The following ACTR3 variants were observed in gnomAD, a reference collection of about 807,000 sequenced individuals.
The protein encoded by ACTR3 is actin related protein 3.
Under a neutral mutation model 56.8 loss-of-function variants are expected in ACTR3, and 12 were observed. That is an observed-to-expected ratio of 0.21 (90% CI 0.14 to 0.34). The LOEUF (loss-of-function observed/expected upper bound fraction) is 0.34. Ranked by LOEUF, ACTR3 falls within the 10% of genes least tolerant of loss-of-function variation. The pLI is 1.00. For synonymous variants in ACTR3, 162 were observed against 167.4 expected (o/e 0.97, Z 0.25); for missense variants, 282 against 512.5 (o/e 0.55, Z 4.34).
At chr2:113,948,126 T>G (rs1680054957) in intron 8 of ACTR3, among the ~76,000 whole-genome samples, 1 of 152,158 alleles carries the variant, frequency 6.6e-6, no homozygotes, top group Non-Finnish European at 1.5e-5. Flanking sequence ...ATTGCTTGGT[T>G]ATATTGCAAC....
At chr2:113,916,766 T>C in intron 2 of ACTR3, 118 bp from the exon 3 acceptor site, 1 of 801,746 alleles carries the variant, frequency 1.2e-6, no homozygotes, top group South Asian at 4.7e-5. Flanking sequence ...AGTTTGACAA[T>C]TTAAATAGGC....
chr2:113,938,178 C>A (rs1439415579), intron 6 of ACTR3, among the ~76,000 whole-genome samples: 1 of 150,736 alleles, frequency 6.6e-6, no homozygotes, highest in Non-Finnish European at 1.5e-5. Flanking sequence ...GTATTTTTTT[C>A]TTCAGAAGTT....
At chr2:113,915,225 A>C (rs1679381463) in intron 2 of ACTR3, among the ~76,000 whole-genome samples, 2 of 152,208 alleles carry the variant, frequency 1.3e-5, no homozygotes, top group African/African-American at 4.8e-5. Flanking sequence ...CAGAAGTACA[A>C]AATCAATGCG....
chr2:113,929,619 C>T (rs1679681863), intron 4 of ACTR3, among the ~76,000 whole-genome samples: 1 of 152,020 alleles, frequency 6.6e-6, no homozygotes, highest in South Asian at 2.1e-4. Flanking sequence ...AACCTTTTTG[C>T]ACACCCCCCA....
chr2:113,890,687 T>G (rs1473569298), intron 1 of ACTR3: 3 of 1,136,442 alleles, frequency 2.6e-6, no homozygotes, highest in Non-Finnish European at 3.2e-6. Context: ...TTCCTTTCCC[T>G]CCGCGCCCGT....
At chr2:113,892,732 C>T (rs1438795864) in intron 1 of ACTR3, among the ~76,000 whole-genome samples, 1 of 152,116 alleles carries the variant, frequency 6.6e-6, no homozygotes, top group African/African-American at 2.4e-5. Flanking sequence ...GCTCTGAGGT[C>T]TCTAAATTAC....
At chr2:113,901,974 A>C (rs756185199) in intron 1 of ACTR3, among the ~76,000 whole-genome samples, 3 of 152,262 alleles carry the variant, frequency 2.0e-5, no homozygotes, top group Non-Finnish European at 4.4e-5. Flanking sequence ...TTGTTTTACT[A>C]CTGAAAAAGA....
At chr2:113,952,805 G>C (rs1680143392) in intron 10 of ACTR3, 1 of 152,082 alleles carries the variant, frequency 6.6e-6, no homozygotes, top group Non-Finnish European at 1.5e-5. Context: ...CTTTTAAAAT[G>C]TTGTGTTTGC....
At chr2:113,934,827 T>A (rs1679794423) in intron 6 of ACTR3, among the ~76,000 whole-genome samples, 1 of 152,214 alleles carries the variant, frequency 6.6e-6, no homozygotes, top group African/African-American at 2.4e-5. Flanking sequence ...CAAATTAGAT[T>A]GTCAGAAATA....
At chr2:113,890,079 G>C, upstream of ACTR3, 2 of 629,662 alleles carry the variant, frequency 3.2e-6, no homozygotes, top group Non-Finnish European at 5.6e-6. Flanking sequence ...GGGACTGCCT[G>C]CCTGCCTGGG....
In ACTR3 at chr2:113,961,392, C is replaced by T. The variant is rs1025610443; in HGVS notation, c.*3937C>T. 6.6e-6 allele frequency: 1 copy of T among 151,326 alleles called. No homozygotes were observed. The highest frequency in any genetic ancestry group is 1.5e-5 in the Non-Finnish European group (1 of 67,694). The allele number at this position is 151,326 out of a possible 1,614,324, so 9.4% of individuals were successfully genotyped here. A position where few individuals can be genotyped will look rare whatever the true frequency, so the allele number is the denominator to read the frequency against. ...TAAAAAAGGAACAACGATAGAAATA[C>T]GTGATCTAGGAAAGAAGGCAACTGA... is the stretch of plus-strand genomic sequence containing the variant. On this transcript the variant is annotated 3_prime_UTR_variant, in exon 12 of 12. Coordinates refer to ENST00000263238, the MANE Select transcript of ACTR3 (RefSeq NM_005721.5).
chr2:113,943,312 T>G (rs1293031097), intron 8 of ACTR3, among the ~76,000 whole-genome samples: 1 of 151,998 alleles, frequency 6.6e-6, no homozygotes, highest in Admixed American at 6.6e-5. Context: ...TAGGCAGAGG[T>G]CTTAGACATG....
Position 113,890,340 on chromosome 2 carries a change from G to T in ACTR3, c.44+17G>T, listed in dbSNP as rs368760713. ...TGGCACGGGGTAAGGGGGCTTACGG[G>T]CGGGGGTGGGGAAACTGAGGCGGAG... is the stretch of plus-strand genomic sequence containing the variant. On this transcript the variant is annotated intron_variant, in intron 1 of 11. Coordinates refer to ENST00000263238, the MANE Select transcript of ACTR3 (RefSeq NM_005721.5). The T allele has an allele frequency of 3.0e-4, 455 of 1,504,980 alleles. No individual in the cohort carries two copies. In the African/African-American group the frequency reaches 5.0e-3, roughly 16 times the overall value. The allele number at this position is 1,504,980 out of a possible 1,614,324, so 93.2% of individuals were successfully genotyped here. A position where few individuals can be genotyped will look rare whatever the true frequency, so the allele number is the denominator to read the frequency against.
chr2:113,955,547 T>C (rs1242572977), intron 10 of ACTR3, 76 bp from the exon 11 acceptor site: 8 of 1,057,214 alleles, frequency 7.6e-6, no homozygotes, highest in Non-Finnish European at 1.1e-5. Flanking sequence ...TTTGTATATG[T>C]ACATTTAAGG....
Position 113,961,614 on chromosome 2 carries a change from A to G in ACTR3, c.*4159A>G, listed in dbSNP as rs963823142. On this transcript the variant is annotated 3_prime_UTR_variant, in exon 12 of 12. Coordinates refer to ENST00000263238, the MANE Select transcript of ACTR3 (RefSeq NM_005721.5). ...CTTATATTACCTATATATTGCATCA[A>G]GTTTTGAGCCTTCAATCCCAGAAGC... 1 of 151,924 alleles carries G rather than the reference A, an allele frequency of 6.6e-6. No homozygotes were observed. Among genetic ancestry groups the G allele is most frequent in the Non-Finnish European group, 1.5e-5 (1 of 67,870 alleles). The allele number at this position is 151,924 out of a possible 1,614,324, so 9.4% of individuals were successfully genotyped here. A position where few individuals can be genotyped will look rare whatever the true frequency, so the allele number is the denominator to read the frequency against.
intron 2 of ACTR3, among the ~76,000 whole-genome samples, chr2:113,913,699 T>C (rs2104593652): frequency 6.6e-6 from 1 of 152,360 alleles, no homozygotes; most frequent in South Asian, 2.1e-4. Context: ...CCTTTAGAGA[T>C]GTTGACCTCA....
chr2:113,909,946 G>A (rs1441155798), intron 1 of ACTR3, among the ~76,000 whole-genome samples: 1 of 152,138 alleles, frequency 6.6e-6, no homozygotes, highest in African/African-American at 2.4e-5. Flanking sequence ...AGATTTTTGA[G>A]TTAGGCCGTT....
chr2:113,930,068 T>C (rs759240864), intron 4 of ACTR3, among the ~76,000 whole-genome samples: 18 of 152,238 alleles, frequency 1.2e-4, no homozygotes, highest in Admixed American at 2.6e-4. Flanking sequence ...CTGATAATTA[T>C]GTTGAGCAGT....
intron 1 of ACTR3, among the ~76,000 whole-genome samples, chr2:113,895,316 A>G (rs1335056466): frequency 6.6e-6 from 1 of 152,160 alleles, no homozygotes; most frequent in Non-Finnish European, 1.5e-5. Flanking sequence ...AGGTTAAGCT[A>G]CTTACCCAAG....
Sources: gnomAD v4.1 joint callset for allele counts (sites outside exome capture counted in the v4.1 genomes callset) on GRCh38, gnomAD v4.1.1 for gene constraint, MANE v1.5 for transcripts, NCBI Gene and HGNC (gene_info 2026-07-23, HGNC 2026-07-21) for gene names.